Variants in NUP50 observed in about 807,000 individuals in gnomAD.
The protein encoded by NUP50 is nuclear pore complex protein Nup50.
NUP50 carries 14 observed loss-of-function variants against 36.8 expected under a neutral mutation model. That is an observed-to-expected ratio of 0.38 (90% CI 0.25 to 0.59). The LOEUF (loss-of-function observed/expected upper bound fraction) is 0.59, where lower values mean the gene tolerates loss of function less well. NUP50 is among the 20% of genes least tolerant of loss of function. The pLI is 0.63. For missense variants in NUP50, 455 were observed against 564.6 expected (o/e 0.81, Z 1.97); for synonymous variants, 195 against 210.8 (o/e 0.93, Z 0.65).
At chr22:45,167,103 C>G (rs1325401406) in intron 1 of NUP50, among the ~76,000 whole-genome samples, 1 of 152,088 alleles carries the variant, frequency 6.6e-6, no homozygotes, top group Non-Finnish European at 1.5e-5. Flanking sequence ...CTGTATTACA[C>G]AATACACCAG....
intron 6 of NUP50, among the ~76,000 whole-genome samples, chr22:45,182,128 A>ATT (rs557875978): frequency 5.5e-5 from 8 of 145,322 alleles, no homozygotes; most frequent in South Asian, 4.4e-4. Flanking sequence ...CAACTTTAAG[A>ATT]TTTTTTTTTT....
intron 5 of NUP50, among the ~76,000 whole-genome samples, chr22:45,180,563 G>C (rs2074351434): frequency 6.6e-6 from 1 of 152,044 alleles, no homozygotes; most frequent in Non-Finnish European, 1.5e-5. Context: ...TTGTAGAGAT[G>C]GGGGGCGTCT....
At chr22:45,164,402 A>T (rs1440377324) in intron 1 of NUP50, 106 bp downstream of exon 1, 1 of 138,830 alleles carries the variant, frequency 7.2e-6, no homozygotes, top group African/African-American at 2.8e-5. Context: ...CTGGGAGGGG[A>T]GTGCGAGTGC....
intron 1 of NUP50, among the ~76,000 whole-genome samples, chr22:45,167,695 C>T (rs186527770): frequency 9.1e-4 from 139 of 152,140 alleles, no homozygotes; most frequent in African/African-American, 3.3e-3. Flanking sequence ...GTTTCCAGCC[C>T]GTTATTCGTA....
chr22:45,172,337 C>G (rs1232345535), intron 3 of NUP50: 1 of 152,092 alleles, frequency 6.6e-6, no homozygotes, highest in African/African-American at 2.4e-5. Flanking sequence ...TGAAATAAAC[C>G]TACCCTACCT....
rs1402957848 is a variant in NUP50 at position 45,164,599 on chromosome 22, G to C, written c.-11+303G>C. 4.0e-5 allele frequency: 6 copies of C among 151,352 alleles called. No individual in the cohort carries two copies. In the Admixed American group the frequency reaches 4.0e-4, roughly 10 times the overall value. The allele number at this position is 151,352 out of a possible 1,614,324, so 9.4% of individuals were successfully genotyped here. ...TCTAGGGAGGGAGCCTGGGTCGGGC[G>C]CACGGGCCGGGCGGGGCGCGCGGTG... On this transcript the variant is annotated intron_variant, in intron 1 of 7. Coordinates refer to ENST00000347635, the MANE Select transcript of NUP50 (RefSeq NM_007172.4).
Position 45,178,544 on chromosome 22 carries a change from C to T in NUP50, c.647C>T (p.Ala216Val). Residue 216 changes from alanine to valine, a missense_variant, in exon 5 of 8, where the codon GCA becomes GTA. Physicochemically the swap from Ala to Val is moderately conservative, Grantham distance 64. Coordinates refer to ENST00000347635, the MANE Select transcript of NUP50 (RefSeq NM_007172.4). ...TCTGAAAGTGAATCTAACAAAGTGG[C>T]AGCTGAAACACAGTCTCCTTCCCTT... is the stretch of plus-strand genomic sequence containing the variant. ...RNSESESNKV[A>V]AETQSPSLFG... The T allele has an allele frequency of 6.2e-7, 1 of 1,612,026 alleles. No individual in the cohort carries two copies. The highest frequency in any genetic ancestry group is 8.5e-7 in the Non-Finnish European group (1 of 1,179,848).
chr22:45,182,956 A>G (rs1262811744), intron 6 of NUP50, among the ~76,000 whole-genome samples: 1 of 149,434 alleles, frequency 6.7e-6, no homozygotes, highest in East Asian at 2.0e-4. Flanking sequence ...ATAGGCCACA[A>G]AAAAAAAAGG....
At chr22:45,179,563 A>T (rs1350912625) in intron 5 of NUP50, among the ~76,000 whole-genome samples, 1 of 152,144 alleles carries the variant, frequency 6.6e-6, no homozygotes, top group African/African-American at 2.4e-5. Flanking sequence ...TGAACAGGTG[A>T]TGTCTGTGAA....
intron 2 of NUP50, among the ~76,000 whole-genome samples, chr22:45,170,109 G>C (rs1223553206): frequency 1.3e-5 from 2 of 152,220 alleles, no homozygotes; most frequent in African/African-American, 4.8e-5. Flanking sequence ...AAGGGCCCCT[G>C]TCCCATGATC....
chr22:45,177,457 A>G (rs749735255), intron 4 of NUP50, among the ~76,000 whole-genome samples: 1 of 152,192 alleles, frequency 6.6e-6, no homozygotes, highest in Non-Finnish European at 1.5e-5. Flanking sequence ...TTGGGATTAC[A>G]TGCGTGAGCC....
Position 45,181,270 on chromosome 22 carries a change from G to A in NUP50, c.1004-16G>A, listed in dbSNP as rs765844069. The A allele has an allele frequency of 5.7e-6, 9 of 1,566,336 alleles. No homozygotes were observed. Among genetic ancestry groups the A allele is most frequent in the Non-Finnish European group, 6.9e-6 (8 of 1,154,176 alleles). On this transcript the variant is annotated splice_polypyrimidine_tract_variant and intron_variant, in intron 5 of 7. Transcript: ENST00000347635. ...TGGATTGGAATCTTACTGAATTATTGTCATTTTTATAAAAGGTGGAGATGA... is the reference window on the plus strand; with the variant it reads ...TGGATTGGAATCTTACTGAATTATTATCATTTTTATAAAAGGTGGAGATGA...
intron 3 of NUP50, among the ~76,000 whole-genome samples, chr22:45,175,016 T>G (rs974043645): frequency 2.0e-5 from 3 of 152,156 alleles, no homozygotes; most frequent in African/African-American, 7.2e-5. Context: ...TGTGGAAACT[T>G]AAGATTTGTG....
chr22:45,179,230 T>G, intron 5 of NUP50: 1 of 227,026 alleles, frequency 4.4e-6, no homozygotes, highest in Non-Finnish European at 8.6e-6. Flanking sequence ...TTGGAAAAGT[T>G]CATCAAGTTC....
intron 7 of NUP50, 25 bp from the exon 8 acceptor site, chr22:45,184,428 A>T: frequency 6.2e-7 from 1 of 1,606,484 alleles, no homozygotes; most frequent in East Asian, 2.2e-5. Context: ...TATAATTTTG[A>T]TGGGTTTTGT....
intron 3 of NUP50, among the ~76,000 whole-genome samples, chr22:45,173,338 G>GTTTTTTTTTTTTTTTTTTTTTT (rs132885): frequency 7.4e-6 from 1 of 134,952 alleles, no homozygotes. Flanking sequence ...AACTTCAGGT[G>GTTTTTTTTTTTTTTTTTTTTTT]TTTTTTTTTT....
intron 2 of NUP50, among the ~76,000 whole-genome samples, chr22:45,169,832 CCTT>C (rs1038718785): frequency 1.3e-5 from 2 of 152,196 alleles, no homozygotes; most frequent in African/African-American, 4.8e-5. Context: ...TGCTCCACCA[CCTT>C]CTTGTGGGAG....
chr22:45,170,953 T>G, intron 2 of NUP50: 3 of 1,300,956 alleles, frequency 2.3e-6, no homozygotes, highest in Non-Finnish European at 3.0e-6. Context: ...AGGTGAGAAT[T>G]TTTGCATGAG....
At position 45,185,460 on chromosome 22, in the gene NUP50, G is replaced by A. The variant is rs1298255316; in HGVS notation, c.*805G>A. On this transcript the variant is annotated 3_prime_UTR_variant, in exon 8 of 8. Transcript: ENST00000347635. ...TACACCATGGAGAGTGAACCCTTAC[G>A]AAATGAAAGTCAAATGAGACCATCC... The A allele has an allele frequency of 3.9e-5, 6 of 152,202 alleles. No homozygotes were observed. The highest frequency in any genetic ancestry group is 1.9e-4 in the East Asian group (1 of 5,190). The allele number at this position is 152,202 out of a possible 1,614,324, so 9.4% of individuals were successfully genotyped here.
Sources: allele counts gnomAD v4.1 joint callset (sites outside exome capture counted in the v4.1 genomes callset), GRCh38; gene constraint gnomAD v4.1.1; transcripts MANE v1.5; gene names NCBI Gene and HGNC (gene_info 2026-07-23, HGNC 2026-07-21).